The following RYR2 variants were observed in gnomAD, a reference collection of about 807,000 sequenced individuals.
The protein encoded by RYR2 is cardiac muscle ryanodine receptor-calcium release channel.
Under a neutral mutation model 601.1 loss-of-function variants are expected in RYR2, and 227 were observed. The ratio of observed to expected loss-of-function variants is 0.38; its 90% CI spans 0.34 to 0.42. The LOEUF (loss-of-function observed/expected upper bound fraction) is 0.42, where lower values mean the gene tolerates loss of function less well. Ranked by LOEUF, RYR2 falls within the 10% of genes least tolerant of loss-of-function variation. The probability of loss-of-function intolerance (pLI) is 1.00; values close to 1 mark genes in which losing one functional copy is unlikely to be tolerated. For synonymous variants in RYR2, 2,223 were observed against 2,175.1 expected (o/e 1.02, Z -0.61); for missense variants, 4,646 against 6,156.5 (o/e 0.75, Z 8.21).
rs74147454 is a variant in RYR2, at chr1:237,580,661, T to C, written c.3599-9132T>C. ...AACCGTGTCTCCATTCTACCTGTTA[T>C]GGACTGAGTTGCATAGCTCTAACCC... On this transcript the variant is annotated intron_variant, in intron 29 of 104. Coordinates refer to ENST00000366574, the MANE Select transcript of RYR2 (RefSeq NM_001035.3). 5.9e-3 allele frequency among the ~76,000 whole-genome samples: 892 copies of C among 152,324 alleles called. 8 individuals carry two copies. Among genetic ancestry groups the C allele is most frequent in the African/African-American group, 0.021 (865 of 41,570 alleles).
In RYR2 at chr1:237,723,352, C is replaced by G. The variant is rs567784068; in HGVS notation, c.10689+90C>G. On this transcript the variant is annotated intron_variant, in intron 74 of 104. Transcript: ENST00000366574. ...TGTGTGTTAATTTGTTAACTATGAC[C>G]CAAGAAACATATATGTTCAGCATAT... 5 of 953,186 alleles carry G rather than the reference C, an allele frequency of 5.2e-6. No individual in the cohort carries two copies. The African/African-American group carries it at 6.5e-5, about 12-fold the overall frequency. 59.0% of individuals were successfully genotyped at this position (953,186 alleles called of 1,614,324 possible).
chr1:237,365,715 G>C (rs1287080309), intron 5 of RYR2, among the ~76,000 whole-genome samples: 1 of 152,192 alleles, frequency 6.6e-6, no homozygotes, highest in Non-Finnish European at 1.5e-5. Flanking sequence ...TGCATTTGCT[G>C]TATTCATTTT....
chr1:237,597,370 C>T (rs1676006852), intron 34 of RYR2, among the ~76,000 whole-genome samples: 1 of 151,348 alleles, frequency 6.6e-6, no homozygotes, highest in Non-Finnish European at 1.5e-5. Flanking sequence ...CAACCTCTGC[C>T]TTCTGGGTTC....
chr1:237,374,640 CA>C, intron 6 of RYR2, 76 bp from the exon 7 acceptor site: 1 of 1,235,650 alleles, frequency 8.1e-7, no homozygotes, highest in South Asian at 1.3e-5. Context: ...GCCTGAGCTA[CA>C]GAGCAACCTT....
intron 41 of RYR2, among the ~76,000 whole-genome samples, chr1:237,630,747 C>G (rs1168929317): frequency 6.6e-6 from 1 of 152,116 alleles, no homozygotes; most frequent in Admixed American, 6.5e-5. Context: ...CTTAGGAATA[C>G]CTTGACACAC....
intron 1 of RYR2, among the ~76,000 whole-genome samples, chr1:237,162,154 T>C (rs1676085160): frequency 6.6e-6 from 1 of 152,174 alleles, no homozygotes; most frequent in Non-Finnish European, 1.5e-5. Flanking sequence ...CTCTGCATCA[T>C]AAAAGGTGCT....
intron 73 of RYR2, among the ~76,000 whole-genome samples, chr1:237,721,383 T>C (rs1485523551): frequency 2.6e-5 from 4 of 152,234 alleles, no homozygotes; most frequent in Non-Finnish European, 5.9e-5. Context: ...ATTTCTGACA[T>C]TTTAACTAGG....
At chr1:237,746,268 A>G (rs1692067689) in intron 80 of RYR2, among the ~76,000 whole-genome samples, 1 of 152,210 alleles carries the variant, frequency 6.6e-6, no homozygotes, top group Non-Finnish European at 1.5e-5. Flanking sequence ...CTTATAACAC[A>G]TTATATCAAA....
At chr1:237,082,174 C>T (rs187000377) in intron 1 of RYR2, among the ~76,000 whole-genome samples, 9 of 152,112 alleles carry the variant, frequency 5.9e-5, no homozygotes, top group East Asian at 3.9e-4. Flanking sequence ...TTGTAAGCAG[C>T]GTTCATGTTA....
At chr1:237,101,309 A>AC (rs1016531784) in intron 1 of RYR2, among the ~76,000 whole-genome samples, 12 of 132,544 alleles carry the variant, frequency 9.1e-5, no homozygotes, top group South Asian at 3.0e-4. Flanking sequence ...TAAAAAAAAA[A>AC]AAAAAAAAAA....
At chr1:237,343,659 G>A (rs998950499) in intron 3 of RYR2, among the ~76,000 whole-genome samples, 1 of 152,106 alleles carries the variant, frequency 6.6e-6, no homozygotes, top group African/African-American at 2.4e-5. Flanking sequence ...GTATTTGTGT[G>A]AATGACAATT....
intron 4 of RYR2, among the ~76,000 whole-genome samples, chr1:237,363,933 T>C (rs930543323): frequency 2.6e-5 from 4 of 152,202 alleles, no homozygotes; most frequent in Non-Finnish European, 5.9e-5. Flanking sequence ...CCTGTTTTAA[T>C]CTACTGTTTT....
At chr1:237,378,856 G>C (rs1286796823) in intron 8 of RYR2, among the ~76,000 whole-genome samples, 1 of 152,184 alleles carries the variant, frequency 6.6e-6, no homozygotes, top group East Asian at 1.9e-4. Flanking sequence ...CAAGGAAATG[G>C]TATAACAGTG....
intron 60 of RYR2, among the ~76,000 whole-genome samples, chr1:237,675,970 A>G (rs140827391): frequency 3.4e-4 from 52 of 152,294 alleles, no homozygotes; most frequent in African/African-American, 1.2e-3. Context: ...GACTCATATA[A>G]CTAACAATTT....
At chr1:237,750,547 A>C (rs1342070834) in intron 80 of RYR2, among the ~76,000 whole-genome samples, 2 of 150,856 alleles carry the variant, frequency 1.3e-5, no homozygotes, top group Non-Finnish European at 3.0e-5. Flanking sequence ...GTTCATTATA[A>C]ATATCAATAT....
At chr1:237,736,441 G>A (rs563789033) in intron 79 of RYR2, among the ~76,000 whole-genome samples, 1 of 140,098 alleles carries the variant, frequency 7.1e-6, no homozygotes, top group East Asian at 2.1e-4. Flanking sequence ...CAGGCTGGGC[G>A]ATGGAGTGAG....
chr1:237,485,520 C>G (rs934820460), intron 17 of RYR2, among the ~76,000 whole-genome samples: 1 of 152,182 alleles, frequency 6.6e-6, no homozygotes, highest in Admixed American at 6.5e-5. Context: ...TTGGTAAAGA[C>G]TCACCAAATG....
chr1:237,197,272 G>A (rs1324014838), intron 1 of RYR2, among the ~76,000 whole-genome samples: 1 of 152,116 alleles, frequency 6.6e-6, no homozygotes, highest in East Asian at 1.9e-4. Context: ...TTCAACAGAA[G>A]TGGTAAAAAG....
chr1:237,820,982 C>T (rs184263282), intron 101 of RYR2, among the ~76,000 whole-genome samples: 1 of 152,206 alleles, frequency 6.6e-6, no homozygotes, highest in Non-Finnish European at 1.5e-5. Flanking sequence ...GATTCCTCCT[C>T]TCTGGGCAGG....
Sources: gnomAD v4.1 joint callset for allele counts (sites outside exome capture counted in the v4.1 genomes callset) on GRCh38, gnomAD v4.1.1 for gene constraint, MANE v1.5 for transcripts, NCBI Gene and HGNC (gene_info 2026-07-23, HGNC 2026-07-21) for gene names.